The following CYSLTR1 variants were observed in gnomAD, a reference collection of about 807,000 sequenced individuals.
CYSLTR1 encodes the protein cysteinyl leukotriene receptor 1.
Under a neutral mutation model 2.1 loss-of-function variants are expected in CYSLTR1, and 1 was observed. The ratio of observed to expected loss-of-function variants is 0.48; its 90% CI spans 0.17 to 2.28. The LOEUF (loss-of-function observed/expected upper bound fraction) is 2.28. CYSLTR1 is among the 30% of genes most tolerant of loss of function. The probability of loss-of-function intolerance (pLI) is 0.26; values close to 1 mark genes in which losing one functional copy is unlikely to be tolerated. For synonymous variants in CYSLTR1, 110 were observed against 89.6 expected, an observed-to-expected ratio of 1.23 and a Z score of -1.28; for missense variants, 299 against 250.1, an observed-to-expected ratio of 1.20 and a Z score of -1.32.
intron 1 of CYSLTR1, among the ~76,000 whole-genome samples, chrX:78,292,980 T>G (rs1429058341): frequency 9.0e-6 from 1 of 111,245 alleles, no homozygotes; most frequent in Non-Finnish European, 1.9e-5. Context: ...CATTTACATT[T>G]AAGGTTAATA....
intron 1 of CYSLTR1, chrX:78,320,291 G>T (rs1923592452): frequency 8.9e-6 from 1 of 111,763 alleles, no homozygotes; most frequent in African/African-American, 3.3e-5. Flanking sequence ...TTTGTATAAG[G>T]TGTAAGGAAG....
At chrX:78,323,916 G>A (rs1256960991) in intron 1 of CYSLTR1, among the ~76,000 whole-genome samples, 1 of 111,705 alleles carries the variant, frequency 9.0e-6, no homozygotes. Flanking sequence ...TGTGTTAAAT[G>A]TCCAAGGGCT....
At chrX:78,277,892 C>T (rs1921667734) in intron 2 of CYSLTR1, among the ~76,000 whole-genome samples, 2 of 111,671 alleles carry the variant, frequency 1.8e-5, no homozygotes, top group Admixed American at 1.9e-4. Flanking sequence ...AATGACCACA[C>T]TAGCTCCCCA....
At chrX:78,322,078 C>T (rs1236715271) in intron 1 of CYSLTR1, among the ~76,000 whole-genome samples, 1 of 111,278 alleles carries the variant, frequency 9.0e-6, no homozygotes, top group Non-Finnish European at 1.9e-5. Context: ...TCTTCTGCTG[C>T]TGAGCAGTGG....
At chrX:78,285,779 T>C (rs1007855872) in intron 1 of CYSLTR1, among the ~76,000 whole-genome samples, 2 of 111,931 alleles carry the variant, frequency 1.8e-5, no homozygotes, top group Non-Finnish European at 3.8e-5. Flanking sequence ...TGAATTAGCC[T>C]TGCACATAGT....
In CYSLTR1 at chrX:78,319,270, C is replaced by A. The variant is rs1923544948; in HGVS notation, c.-115+8035G>T. On this transcript the variant is annotated intron_variant, in intron 1 of 2. Coordinates refer to ENST00000373304, the MANE Select transcript of CYSLTR1 (RefSeq NM_006639.4). The stretch of plus-strand genomic sequence containing the variant: ...TTAATGCTATCCCTCCCCCCTCCCC[C>A]CACCCCACAACAGGCCCCAGTGTGT... 3 of 68,696 alleles carry A rather than the reference C, an allele frequency of 4.4e-5. No individual in the cohort carries two copies. The Admixed American group carries it at 6.0e-4, about 14-fold the overall frequency. The allele number at this position is 68,696 out of a possible 1,213,427, so 5.7% of individuals were successfully genotyped here.
In CYSLTR1 at chrX:78,271,938, T is replaced by C. The variant is rs1258707159; in HGVS notation, c.*795A>G. ...GTTTTTAATTACTTCTATTTATATATAGGAGTGCCAGTTGTCTGGCTTCTT... is the reference window on the plus strand; with the variant it reads ...GTTTTTAATTACTTCTATTTATATACAGGAGTGCCAGTTGTCTGGCTTCTT... On this transcript the variant is annotated 3_prime_UTR_variant, in exon 3 of 3. Coordinates refer to ENST00000373304, the MANE Select transcript of CYSLTR1 (RefSeq NM_006639.4). 1 of 112,027 alleles carries C rather than the reference T, an allele frequency of 8.9e-6. No homozygotes were observed. Among genetic ancestry groups the C allele is most frequent in the African/African-American group, 3.2e-5 (1 of 30,890 alleles). 9.2% of individuals were successfully genotyped at this position (112,027 alleles called of 1,213,427 possible). A position where few individuals can be genotyped will look rare whatever the true frequency, so the allele number is the denominator to read the frequency against.
intron 2 of CYSLTR1, among the ~76,000 whole-genome samples, chrX:78,276,803 A>C (rs1921611523): frequency 9.0e-6 from 1 of 110,724 alleles, no homozygotes; most frequent in African/African-American, 3.3e-5. Flanking sequence ...CTTGGAAAAA[A>C]GGCATTGAAA....
rs1923892965 is a variant in CYSLTR1, at chrX:78,327,285, T to C, written c.-115+20A>G. On this transcript the variant is annotated intron_variant, in intron 1 of 2. Coordinates refer to ENST00000373304, the MANE Select transcript of CYSLTR1 (RefSeq NM_006639.4). The stretch of plus-strand genomic sequence containing the variant: ...CTACATACTGTTCTGGTCTTAGTAC[T>C]GAATACTGAGTCTCCTTACCTGCTA... 1 of 112,332 alleles carries C rather than the reference T, an allele frequency of 8.9e-6. No homozygotes were observed. The highest frequency in any genetic ancestry group is 3.2e-5 in the African/African-American group (1 of 30,911). 9.3% of individuals were successfully genotyped at this position (112,332 alleles called of 1,213,427 possible).
At chrX:78,320,851 G>T (rs760405650) in intron 1 of CYSLTR1, 1 of 111,151 alleles carries the variant, frequency 9.0e-6, no homozygotes. Context: ...GGATTCCTAG[G>T]TATTTTATTC....
chrX:78,306,721 C>T (rs1923046067), intron 1 of CYSLTR1, among the ~76,000 whole-genome samples: 1 of 111,448 alleles, frequency 9.0e-6, no homozygotes, highest in African/African-American at 3.3e-5. Context: ...CTTAACTTCT[C>T]TGATACTGTT....
intron 1 of CYSLTR1, among the ~76,000 whole-genome samples, chrX:78,317,847 G>A (rs1354173831): frequency 9.0e-6 from 1 of 111,604 alleles, no homozygotes; most frequent in South Asian, 3.7e-4. Flanking sequence ...AAGGGAGTGA[G>A]GGCTAAAAGA....
At chrX:78,310,824 G>T (rs185940518) in intron 1 of CYSLTR1, among the ~76,000 whole-genome samples, 44 of 111,198 alleles carry the variant, frequency 4.0e-4, no homozygotes, top group African/African-American at 1.4e-3. Context: ...CTAACATTTT[G>T]ATATGGCTAA....
chrX:78,284,626 C>A (rs1165969397), intron 1 of CYSLTR1, among the ~76,000 whole-genome samples: 1 of 109,475 alleles, frequency 9.1e-6, no homozygotes, highest in East Asian at 2.9e-4. Context: ...GTCTCGAACT[C>A]CCCGACCTCA....
At position 78,278,484 on chromosome X, in the gene CYSLTR1, A is replaced by G. The variant is rs1921697618; in HGVS notation, c.-27-4711T>C. On this transcript the variant is annotated intron_variant, in intron 2 of 2. Transcript: ENST00000373304. ...GAAACCAGATATGATATAAACAAAT[A>G]GAAATACATTTTATGCTCCTGGAGG... Among the ~76,000 whole-genome samples the G allele has an allele frequency of 2.7e-5, 3 of 112,556 alleles. No individual in the cohort carries two copies. The South Asian group carries it at 1.1e-3, about 41-fold the overall frequency.
Position 78,273,766 on chromosome X carries a change from C to T in CYSLTR1, c.-20G>A, listed in dbSNP as rs373809062. 22 of 1,162,969 alleles carry T rather than the reference C, an allele frequency of 1.9e-5. No homozygotes were observed. In the African/African-American group the frequency reaches 3.8e-4, roughly 20 times the overall value. ...ATCCATGTTTCTCTACGAATGTCTG[C>T]TTTGTGCCTATAATAAATAAAAAAA... is the stretch of plus-strand genomic sequence containing the variant. On this transcript the variant is annotated 5_prime_UTR_variant, in exon 3 of 3. Transcript: ENST00000373304.
At chrX:78,300,100 T>C (rs1396498854) in intron 1 of CYSLTR1, among the ~76,000 whole-genome samples, 3 of 112,476 alleles carry the variant, frequency 2.7e-5, no homozygotes. Context: ...TTCTTCAACA[T>C]GTCTATTTCA....
At chrX:78,306,269 T>C (rs1025128736) in intron 1 of CYSLTR1, among the ~76,000 whole-genome samples, 3 of 110,886 alleles carry the variant, frequency 2.7e-5, no homozygotes, top group African/African-American at 9.8e-5. Context: ...GTTTAAGCAA[T>C]TCTTCTGCCT....
intron 1 of CYSLTR1, among the ~76,000 whole-genome samples, chrX:78,296,710 G>C (rs780355721): frequency 2.7e-5 from 3 of 111,198 alleles, no homozygotes; most frequent in African/African-American, 9.8e-5. Context: ...TTGGCTTATA[G>C]AAATGCTACT....
Sources: gnomAD v4.1 joint callset for allele counts (sites outside exome capture counted in the v4.1 genomes callset) on GRCh38, gnomAD v4.1.1 for gene constraint, MANE v1.5 for transcripts, NCBI Gene and HGNC (gene_info 2026-07-23, HGNC 2026-07-21) for gene names.